Variants in VWDE observed in about 807,000 individuals in gnomAD.
The protein encoded by VWDE is von Willebrand factor D and EGF domain-containing protein.
In VWDE, 207 loss-of-function variants were observed where a neutral mutation model predicts 178.4. That is an observed-to-expected ratio of 1.16 (90% CI 1.04 to 1.30). The LOEUF is 1.30. Ranked by LOEUF, VWDE falls within the 50% of genes most tolerant of loss-of-function variation. VWDE has a pLI of 0.00. For missense variants in VWDE, 2,287 were observed against 1,901.3 expected, an observed-to-expected ratio of 1.20 and a Z score of -3.77; for synonymous variants, 738 against 651.4, an observed-to-expected ratio of 1.13 and a Z score of -2.02.
intron 3 of VWDE, among the ~76,000 whole-genome samples, chr7:12,388,157 T>A (rs1314058006): frequency 6.6e-6 from 1 of 152,200 alleles, no homozygotes; most frequent in Non-Finnish European, 1.5e-5. Flanking sequence ...TTTTGAACAG[T>A]ACTATTCAGG....
chr7:12,369,822 G>A lies in VWDE; in HGVS notation c.2484C>T (p.Gly828=). ...SIGRLCLAFL[G]KRLDSVIEMC... is the part of the protein sequence containing the mutation. ...TCTCTATAACACTGTCTAATCTCTT[G>A]CCAAGAAAAGCAAGACACAGCCTTC... Residue 828 remains glycine, a synonymous_variant, in exon 12 of 29, where the codon GGC becomes GGT. Transcript: ENST00000275358. 2 of 1,551,406 alleles carry A rather than the reference G, an allele frequency of 1.3e-6. No individual in the cohort carries two copies. The highest frequency in any genetic ancestry group is 1.7e-6 in the Non-Finnish European group (2 of 1,146,874).
At chr7:12,376,703 G>A (rs1355148059) in intron 7 of VWDE, among the ~76,000 whole-genome samples, 1 of 152,070 alleles carries the variant, frequency 6.6e-6, no homozygotes, top group Non-Finnish European at 1.5e-5. Flanking sequence ...GTCCGAGAGA[G>A]GGTATAATGT....
Position 12,403,720 on chromosome 7 carries a change from T to A in VWDE, c.-4A>T. 1 of 1,550,452 alleles carries A rather than the reference T, an allele frequency of 6.4e-7. No homozygotes were observed. The highest frequency in any genetic ancestry group is 1.2e-5 in the South Asian group (1 of 84,014). On this transcript the variant is annotated 5_prime_UTR_variant, in exon 1 of 29. Transcript: ENST00000275358. ...GCACGCAGGCTCCGCCAGGCATCGC[T>A]GCTTCCGCAGGTGGGGCGAAAGGCG... is the stretch of plus-strand genomic sequence containing the variant.
intron 9 of VWDE, among the ~76,000 whole-genome samples, chr7:12,374,039 A>C (rs1783366603): frequency 6.6e-6 from 1 of 152,154 alleles, no homozygotes; most frequent in South Asian, 2.1e-4. Flanking sequence ...AACCATTTGC[A>C]TCATGAAAAA....
At chr7:12,378,936 T>C (rs1462698444) in intron 6 of VWDE, among the ~76,000 whole-genome samples, 2 of 152,174 alleles carry the variant, frequency 1.3e-5, no homozygotes, top group African/African-American at 4.8e-5. Flanking sequence ...CCTGGACCGT[T>C]TGATATTGCC....
chr7:12,375,288 A>G (rs1783464126), intron 7 of VWDE, 61 bp from the exon 8 acceptor site: 1 of 1,166,890 alleles, frequency 8.6e-7, no homozygotes, highest in African/African-American at 1.5e-5. Context: ...AAAGCATGTA[A>G]TAAATTAATT....
chr7:12,399,880 T>C (rs944980185), intron 1 of VWDE, among the ~76,000 whole-genome samples: 4 of 152,160 alleles, frequency 2.6e-5, no homozygotes, highest in Non-Finnish European at 4.4e-5. Flanking sequence ...TAAAGTATGT[T>C]CTGTGATTAC....
chr7:12,377,541 T>G (rs536768126), intron 7 of VWDE: 2 of 314,730 alleles, frequency 6.4e-6, no homozygotes, highest in East Asian at 1.0e-4. Context: ...GAGGAGATTA[T>G]TCACTATTTT....
chr7:12,355,667 G>C (rs188777497), intron 18 of VWDE, among the ~76,000 whole-genome samples: 214 of 152,226 alleles, frequency 1.4e-3, no homozygotes, highest in African/African-American at 5.0e-3. Flanking sequence ...TAATGAGTTA[G>C]TAAATATGCT....
chr7:12,350,033 A>G (rs1781842446), intron 19 of VWDE, among the ~76,000 whole-genome samples: 1 of 152,104 alleles, frequency 6.6e-6, no homozygotes, highest in African/African-American at 2.4e-5. Flanking sequence ...GCTAGGACAG[A>G]CAATCTAATG....
At chr7:12,349,175 AT>A (rs1781786577) in intron 19 of VWDE, among the ~76,000 whole-genome samples, 1 of 151,996 alleles carries the variant, frequency 6.6e-6, no homozygotes, top group Non-Finnish European at 1.5e-5. Context: ...ATGTATACAT[AT>A]GTAACTAACC....
At position 12,389,197 on chromosome 7, in the gene VWDE, T is replaced by A. The variant is rs1472595068; in HGVS notation, c.405A>T (p.Val135=). The change falls in exon 3 of 29, where the codon GTA becomes GTT. Residue 135 remains valine (V), a synonymous_variant. Coordinates refer to ENST00000275358, the MANE Select transcript of VWDE (RefSeq NM_001135924.3). ...ATACAGAAAAGTTCCCACAGTTTCTTACAGACACTGGGATTTGAAAGAGAC... is the reference window on the plus strand; with the variant it reads ...ATACAGAAAAGTTCCCACAGTTTCTAACAGACACTGGGATTTGAAAGAGAC... ...DCCLFQIPVS[V]RNCGNFSVYL... is the part of the protein sequence containing the mutation. The A allele has an allele frequency of 6.4e-7, 1 of 1,551,860 alleles. No homozygotes were observed. Among genetic ancestry groups the A allele is most frequent in the Non-Finnish European group, 8.7e-7 (1 of 1,147,014 alleles).
chr7:12,356,045 G>A, intron 18 of VWDE, 66 bp downstream of exon 18: 3 of 1,278,028 alleles, frequency 2.3e-6, no homozygotes, highest in Non-Finnish European at 3.3e-6. Flanking sequence ...ATTTGCTTAA[G>A]TAATCTGTAG....
intron 15 of VWDE, 41 bp from the exon 16 acceptor site, chr7:12,359,733 C>T (rs192466714): frequency 2.8e-5 from 36 of 1,264,388 alleles, no homozygotes; most frequent in Non-Finnish European, 3.5e-5. Context: ...CAAAGTACAG[C>T]GTGTAGAAAA....
At chr7:12,384,756 A>G (rs1256231417) in intron 3 of VWDE, among the ~76,000 whole-genome samples, 2 of 152,136 alleles carry the variant, frequency 1.3e-5, no homozygotes, top group Non-Finnish European at 2.9e-5. Context: ...CAGAGATGGT[A>G]ATACTTAACA....
rs1487094505 is a variant in VWDE at position 12,344,347 on chromosome 7, T to C, written c.3982+27A>G. On this transcript the variant is annotated intron_variant, in intron 20 of 28. Coordinates refer to ENST00000275358, the MANE Select transcript of VWDE (RefSeq NM_001135924.3). ...ATCAATTACCAAATACAATTTATCA[T>C]GCAAACTAATGAATGATGTTACCTA... The C allele has an allele frequency of 3.9e-6, 6 of 1,550,004 alleles. No individual in the cohort carries two copies. In the African/African-American group the frequency reaches 5.5e-5, roughly 14 times the overall value.
intron 19 of VWDE, among the ~76,000 whole-genome samples, chr7:12,349,109 G>A (rs945344541): frequency 5.9e-5 from 9 of 152,114 alleles, no homozygotes; most frequent in Non-Finnish European, 1.3e-4. Context: ...ATAGCATTGG[G>A]AGATATACTT....
chr7:12,372,719 G>C (rs73300530), intron 10 of VWDE, among the ~76,000 whole-genome samples: 2,330 of 152,132 alleles, frequency 0.015, 52 homozygotes, highest in African/African-American at 0.053. Context: ...GTTGTTAAAA[G>C]TAATTTTAAT....
chr7:12,392,040 A>G (rs1314859459), intron 2 of VWDE, among the ~76,000 whole-genome samples: 1 of 152,220 alleles, frequency 6.6e-6, no homozygotes, highest in Non-Finnish European at 1.5e-5. Flanking sequence ...CAATGCCTCT[A>G]TTAGCTACCT....
Sources: gnomAD v4.1 joint callset for allele counts (sites outside exome capture counted in the v4.1 genomes callset) on GRCh38, gnomAD v4.1.1 for gene constraint, MANE v1.5 for transcripts, NCBI Gene and HGNC (gene_info 2026-07-23, HGNC 2026-07-21) for gene names.